The following GIPC2 variants were observed in gnomAD, a reference collection of about 807,000 sequenced individuals.
GIPC2 encodes PDZ domain-containing protein GIPC2.
Under a neutral mutation model 30.6 loss-of-function variants are expected in GIPC2, and 30 were observed. The ratio of observed to expected loss-of-function variants is 0.98; its 90% confidence interval spans 0.73 to 1.33. The LOEUF is 1.33. GIPC2 is among the 40% of genes most tolerant of loss of function. The pLI is 0.00. For synonymous variants in GIPC2, 167 were observed against 150.0 expected, an observed-to-expected ratio of 1.11 and a Z score of -0.83; for missense variants, 414 against 390.3, an observed-to-expected ratio of 1.06 and a Z score of -0.51.
intron 5 of GIPC2, among the ~76,000 whole-genome samples, chr1:78,133,477 A>G (rs902967001): frequency 6.6e-6 from 1 of 152,182 alleles, no homozygotes; most frequent in African/African-American, 2.4e-5. Flanking sequence ...AAGGGTTTAG[A>G]GAATGGGGAT....
upstream of GIPC2, among the ~76,000 whole-genome samples, chr1:78,045,395 A>C (rs984371066): frequency 1.3e-5 from 2 of 152,226 alleles, no homozygotes; most frequent in African/African-American, 2.4e-5. Context: ...TTTGTACTAT[A>C]TGAGGCAAGG....
chr1:78,044,995 T>C (rs1442763514), upstream of GIPC2: 14 of 570,288 alleles, frequency 2.5e-5, no homozygotes, highest in Non-Finnish European at 2.9e-5. Flanking sequence ...TCCTGGAGAC[T>C]AGCAGTTAGC....
chr1:78,116,722 A>T (rs914383684), intron 3 of GIPC2, among the ~76,000 whole-genome samples: 4 of 152,180 alleles, frequency 2.6e-5, no homozygotes, highest in Admixed American at 2.6e-4. Flanking sequence ...TCCATGGTGT[A>T]TATGTGCCAC....
chr1:78,135,699 G>T lies in GIPC2; in HGVS notation c.904G>T (p.Asp302Tyr). The T allele has an allele frequency of 6.2e-7, 1 of 1,613,734 alleles. No homozygotes were observed. The highest frequency in any genetic ancestry group is 1.1e-5 in the South Asian group (1 of 90,994). Reference protein sequence around the residue: ...DFAFPDEFVFDVWGVIGDAKR... With the variant: ...DFAFPDEFVFYVWGVIGDAKR... ...TGCGTTCCCAGACGAATTTGTCTTT[G>T]ATGTTTGGGGAGTCATTGGTGATGC... The change falls in exon 6 of 6, where the codon GAT becomes TAT. Residue 302 changes from aspartate to tyrosine, a missense_variant. Coordinates refer to ENST00000370759, the MANE Select transcript of GIPC2 (RefSeq NM_017655.6).
chr1:78,045,846 G>C (rs982678164), upstream of GIPC2: 14 of 1,292,330 alleles, frequency 1.1e-5, no homozygotes, highest in African/African-American at 1.6e-4. Context: ...GATAAACCTG[G>C]TGATAGGATG....
intron 3 of GIPC2, among the ~76,000 whole-genome samples, chr1:78,108,199 G>T (rs1349402119): frequency 1.3e-5 from 2 of 152,170 alleles, no homozygotes; most frequent in Non-Finnish European, 2.9e-5. Context: ...TTTGTTAAAA[G>T]AACGACCTTT....
intron 3 of GIPC2, among the ~76,000 whole-genome samples, chr1:78,115,482 T>C (rs1001469147): frequency 6.6e-6 from 1 of 152,202 alleles, no homozygotes; most frequent in African/African-American, 2.4e-5. Context: ...TTCACCACTT[T>C]AGGGATATAC....
chr1:78,053,937 A>T (rs568748781), intron 1 of GIPC2, among the ~76,000 whole-genome samples: 1 of 152,086 alleles, frequency 6.6e-6, no homozygotes, highest in South Asian at 2.1e-4. Context: ...ACAAACAAAA[A>T]CCTGCAAGGG....
intron 1 of GIPC2, among the ~76,000 whole-genome samples, chr1:78,073,987 G>A (rs1336881121): frequency 2.6e-5 from 4 of 152,156 alleles, no homozygotes; most frequent in African/African-American, 9.7e-5. Context: ...TAATATAAAT[G>A]CACAGCAAGA....
At chr1:78,120,285 T>C (rs1453946119) in intron 4 of GIPC2, among the ~76,000 whole-genome samples, 2 of 152,192 alleles carry the variant, frequency 1.3e-5, no homozygotes, top group Non-Finnish European at 2.9e-5. Flanking sequence ...GTCATGCTGA[T>C]CTCCTTGCTG....
chr1:78,110,075 T>C (rs1341804459), intron 3 of GIPC2, among the ~76,000 whole-genome samples: 1 of 151,954 alleles, frequency 6.6e-6, no homozygotes, highest in Admixed American at 6.6e-5. Context: ...TTAGGAGATA[T>C]ACCTAATGTA....
intron 1 of GIPC2, among the ~76,000 whole-genome samples, chr1:78,056,305 G>A (rs1056144363): frequency 1.3e-4 from 20 of 152,016 alleles, no homozygotes; most frequent in Admixed American, 1.2e-3. Context: ...GTGAAACCCC[G>A]TCTCCACAAA....
intron 3 of GIPC2, among the ~76,000 whole-genome samples, chr1:78,105,200 A>G (rs1662321481): frequency 6.6e-6 from 1 of 152,168 alleles, no homozygotes; most frequent in Non-Finnish European, 1.5e-5. Flanking sequence ...GAAAAATGAA[A>G]TTATTATAAT....
intron 3 of GIPC2, among the ~76,000 whole-genome samples, chr1:78,114,790 A>T (rs1032195463): frequency 6.6e-6 from 1 of 152,182 alleles, no homozygotes; most frequent in African/African-American, 2.4e-5. Context: ...ACTCTAAACT[A>T]TGGACATTGG....
chr1:78,068,890 T>C (rs980798884), intron 1 of GIPC2, among the ~76,000 whole-genome samples: 1 of 152,156 alleles, frequency 6.6e-6, no homozygotes, highest in African/African-American at 2.4e-5. Flanking sequence ...TCATCCTGGC[T>C]CTGGCTTGGT....
At chr1:78,113,878 TGC>T (rs1662519601) in intron 3 of GIPC2, among the ~76,000 whole-genome samples, 1 of 151,788 alleles carries the variant, frequency 6.6e-6, no homozygotes, top group Non-Finnish European at 1.5e-5. Flanking sequence ...TTTTTTTTTT[TGC>T]AACTCATTCT....
At chr1:78,089,860 A>G (rs1354485286) in intron 2 of GIPC2, among the ~76,000 whole-genome samples, 2 of 152,200 alleles carry the variant, frequency 1.3e-5, no homozygotes, top group Non-Finnish European at 2.9e-5. Flanking sequence ...TGTGGGTTAT[A>G]TGGTCTTTGC....
intron 3 of GIPC2, among the ~76,000 whole-genome samples, chr1:78,104,850 T>G (rs186783355): frequency 6.6e-6 from 1 of 152,230 alleles, no homozygotes; most frequent in Non-Finnish European, 1.5e-5. Context: ...CTCTCTTTCA[T>G]GTATTTTTTG....
intron 3 of GIPC2, among the ~76,000 whole-genome samples, chr1:78,096,941 T>C (rs534654464): frequency 1.3e-5 from 2 of 152,330 alleles, no homozygotes; most frequent in Non-Finnish European, 2.9e-5. Context: ...TGTGGATTGA[T>C]TCTTGACTCT....
Sources: gnomAD v4.1 joint callset for allele counts (sites outside exome capture counted in the v4.1 genomes callset) on GRCh38, gnomAD v4.1.1 for gene constraint, MANE v1.5 for transcripts, NCBI Gene and HGNC (gene_info 2026-07-23, HGNC 2026-07-21) for gene names.